DNAH11: variants seen among roughly 807,000 people sequenced by gnomAD.
DNAH11 encodes dynein axonemal heavy chain 11, also known as axonemal beta dynein heavy chain 11.
A neutral mutation model predicts 526.0 loss-of-function variants in DNAH11; 442 were observed. The ratio of observed to expected loss-of-function variants is 0.84; its 90% confidence interval spans 0.78 to 0.91. The LOEUF (loss-of-function observed/expected upper bound fraction) is 0.91, where lower values mean the gene tolerates loss of function less well. DNAH11 is among the 40% of genes least tolerant of loss of function. The pLI is 0.00. For missense variants in DNAH11, 6,989 were observed against 5,448.7 expected (o/e 1.28, Z -8.90); for synonymous variants, 2,461 against 1,935.9 (o/e 1.27, Z -7.12).
chr7:21,861,943 A>T lies in DNAH11; in HGVS notation c.11293A>T (p.Thr3765Ser), dbSNP rs1783079147. 1 of 1,613,718 alleles carries T rather than the reference A, an allele frequency of 6.2e-7. No homozygotes were observed. Among genetic ancestry groups the T allele is most frequent in the Non-Finnish European group, 8.5e-7 (1 of 1,179,798 alleles). Residue 3765 changes from threonine to serine, a missense_variant, in exon 69 of 82, where the codon ACC becomes TCC. Thr to Ser is a moderately conservative substitution (Grantham distance 58). Transcript: ENST00000409508. The part of the protein sequence containing the change: ...GRISILMESI[T>S]HAVFLYTSQA... ...CATCTCTATCCTGATGGAGAGCATC[A>T]CCCATGCTGTCTTCCTCTACACCAG...
chr7:21,693,781 A>T (rs920604555), intron 35 of DNAH11, among the ~76,000 whole-genome samples: 1 of 152,154 alleles, frequency 6.6e-6, no homozygotes, highest in African/African-American at 2.4e-5. Flanking sequence ...TCACACTGCT[A>T]TAAGTAACTA....
chr7:21,786,980 A>G (rs150672095), intron 59 of DNAH11, among the ~76,000 whole-genome samples: 1 of 152,370 alleles, frequency 6.6e-6, no homozygotes, highest in East Asian at 1.9e-4. Flanking sequence ...AGTCAATGCC[A>G]GCAGCAGGTG....
intron 18 of DNAH11, among the ~76,000 whole-genome samples, chr7:21,602,467 C>T (rs1215952785): frequency 6.6e-6 from 1 of 152,104 alleles, no homozygotes; most frequent in Admixed American, 6.6e-5. Context: ...GGCTTTTTAA[C>T]AACAAAGTCT....
chr7:21,635,060 A>T (rs1224791815), intron 25 of DNAH11, among the ~76,000 whole-genome samples: 1 of 152,238 alleles, frequency 6.6e-6, no homozygotes, highest in African/African-American at 2.4e-5. Flanking sequence ...AGCACTGGTG[A>T]TAGGAGAGCT....
intron 30 of DNAH11, among the ~76,000 whole-genome samples, chr7:21,663,200 C>A (rs781071341): frequency 2.0e-4 from 30 of 151,980 alleles, no homozygotes; most frequent in Non-Finnish European, 4.3e-4. Flanking sequence ...ATATATATGT[C>A]ACATTTTCTT....
At chr7:21,745,806 G>C (rs1246407906) in intron 51 of DNAH11, among the ~76,000 whole-genome samples, 1 of 152,224 alleles carries the variant, frequency 6.6e-6, no homozygotes, top group Non-Finnish European at 1.5e-5. Context: ...AATTTCCAAA[G>C]AGGGACTGGG....
chr7:21,741,721 C>G (rs1785907474), intron 48 of DNAH11, among the ~76,000 whole-genome samples: 1 of 152,096 alleles, frequency 6.6e-6, no homozygotes, highest in East Asian at 1.9e-4. Context: ...AAATATACAC[C>G]TCTGACAACG....
At chr7:21,653,984 A>T (rs1781898150) in intron 28 of DNAH11, among the ~76,000 whole-genome samples, 1 of 152,202 alleles carries the variant, frequency 6.6e-6, no homozygotes, top group Non-Finnish European at 1.5e-5. Context: ...GTTAAACTGC[A>T]CTTCCAGAAA....
chr7:21,695,892 G>GA (rs551747053), intron 35 of DNAH11, among the ~76,000 whole-genome samples: 114 of 149,618 alleles, frequency 7.6e-4, no homozygotes, highest in African/African-American at 2.5e-3. Context: ...AATTTAGAAG[G>GA]AAAAAAAAAC....
At chr7:21,709,843 C>G (rs1055514207) in intron 40 of DNAH11, among the ~76,000 whole-genome samples, 1 of 152,132 alleles carries the variant, frequency 6.6e-6, no homozygotes, top group Non-Finnish European at 1.5e-5. Flanking sequence ...GATACTGTCA[C>G]TTTTGGCACA....
chr7:21,850,335 G>A (rs1296927370), intron 66 of DNAH11, among the ~76,000 whole-genome samples: 23 of 134,344 alleles, frequency 1.7e-4, no homozygotes, highest in Non-Finnish European at 2.5e-4. Context: ...CAGCCTGGGC[G>A]ACAGAGGAGA....
intron 54 of DNAH11, among the ~76,000 whole-genome samples, chr7:21,763,789 TATATAC>T (rs61311190): frequency 0.4 from 51,104 of 126,896 alleles, 10,532 homozygotes; most frequent in Non-Finnish European, 0.5. Flanking sequence ...TAATGTGCTA[TATATAC>T]ATATACATAT....
chr7:21,581,051 G>C (rs536033898), intron 8 of DNAH11, among the ~76,000 whole-genome samples: 1 of 152,292 alleles, frequency 6.6e-6, no homozygotes, highest in South Asian at 2.1e-4. Context: ...ATTTAGAACA[G>C]AATTACTCAC....
chr7:21,645,133 C>G (rs1014665878), intron 28 of DNAH11, among the ~76,000 whole-genome samples: 1 of 152,068 alleles, frequency 6.6e-6, no homozygotes, highest in East Asian at 1.9e-4. Context: ...GTTATGAGTT[C>G]CAAAAATTAA....
chr7:21,866,322 A>G, intron 70 of DNAH11, 148 bp from the exon 71 acceptor site: 1 of 309,132 alleles, frequency 3.2e-6, no homozygotes, highest in East Asian at 9.4e-5. Context: ...CAGCAGAGCA[A>G]AAAAAAAAAA....
chr7:21,704,253 A>G (rs919309762), intron 37 of DNAH11, among the ~76,000 whole-genome samples, 181 bp from the exon 38 acceptor site: 4 of 152,338 alleles, frequency 2.6e-5, no homozygotes, highest in Admixed American at 2.0e-4. Flanking sequence ...CAGCCTTCTC[A>G]TGTTCTGATA....
intron 2 of DNAH11, among the ~76,000 whole-genome samples, chr7:21,550,481 TGTAGAG>T (rs1782979709): frequency 6.6e-6 from 1 of 152,168 alleles, no homozygotes; most frequent in South Asian, 2.1e-4. Context: ...TATAATAACT[TGTAGAG>T]GGATAATCCC....
intron 56 of DNAH11, among the ~76,000 whole-genome samples, chr7:21,777,148 A>G (rs908073360): frequency 6.6e-6 from 1 of 152,114 alleles, no homozygotes; most frequent in Non-Finnish European, 1.5e-5. Flanking sequence ...CTCCATTTCT[A>G]TAGTTTTGTC....
intron 8 of DNAH11, among the ~76,000 whole-genome samples, chr7:21,578,845 A>AATCACAT (rs1784203225): frequency 6.6e-6 from 1 of 152,108 alleles, no homozygotes; most frequent in African/African-American, 2.4e-5. Context: ...CACATCTCAA[A>AATCACAT]ATCACATTCA....
Sources: allele counts gnomAD v4.1 joint callset (sites outside exome capture counted in the v4.1 genomes callset), GRCh38; gene constraint gnomAD v4.1.1; transcripts MANE v1.5; gene names NCBI Gene and HGNC (gene_info 2026-07-23, HGNC 2026-07-21).